RBM47: variants seen among roughly 807,000 people sequenced by gnomAD.
RBM47 encodes the protein RNA binding motif protein 47, also known as RNA-binding protein 47.
A neutral mutation model predicts 47.1 loss-of-function variants in RBM47; 21 were observed. That is an observed-to-expected ratio of 0.45 (90% CI 0.32 to 0.64). The LOEUF is 0.64. RBM47 is among the 30% of genes least tolerant of loss of function. RBM47 has a pLI of 0.05. For missense variants in RBM47, 708 were observed against 870.9 expected, an observed-to-expected ratio of 0.81 and a Z score of 2.35; for synonymous variants, 375 against 361.7, an observed-to-expected ratio of 1.04 and a Z score of -0.42.
intron 1 of RBM47, among the ~76,000 whole-genome samples, chr4:40,625,522 C>T (rs1560512671): frequency 1.3e-5 from 2 of 152,192 alleles, no homozygotes; most frequent in Non-Finnish European, 1.5e-5. Context: ...CCCATTGGTA[C>T]ATATACTTAA....
At position 40,436,618 on chromosome 4, in the gene RBM47, C is replaced by T. The variant is rs1167139655; in HGVS notation, c.1153G>A (p.Ala385Thr). The change falls in exon 5 of 7, where the codon GCA becomes ACA. Residue 385 changes from alanine to threonine, a missense_variant. Coordinates refer to ENST00000295971, the MANE Select transcript of RBM47 (RefSeq NM_001098634.2). ...AGSIRGRGRG[A>T]AGNRAPGPRG... ...GGCCCTGGGGCTCTGTTGCCAGCTG[C>T]ACCTCGCCCTCGGCCTCTTATGCTG... 2 of 1,614,014 alleles carry T rather than the reference C, an allele frequency of 1.2e-6. No individual in the cohort carries two copies. The highest frequency in any genetic ancestry group is 2.2e-5 in the East Asian group (1 of 44,890).
At chr4:40,604,531 G>A (rs1240710841) in intron 1 of RBM47, among the ~76,000 whole-genome samples, 1 of 152,190 alleles carries the variant, frequency 6.6e-6, no homozygotes, top group Non-Finnish European at 1.5e-5. Flanking sequence ...GGAGGCTGAG[G>A]AGGGAGGATT....
chr4:40,537,004 G>C (rs1728054482), intron 2 of RBM47, among the ~76,000 whole-genome samples: 1 of 152,038 alleles, frequency 6.6e-6, no homozygotes, highest in African/African-American at 2.4e-5. Flanking sequence ...TTTGAAAATA[G>C]GTTATCTTGT....
chr4:40,496,278 T>C (rs1435062005), intron 2 of RBM47, among the ~76,000 whole-genome samples: 1 of 151,892 alleles, frequency 6.6e-6, no homozygotes, highest in Non-Finnish European at 1.5e-5. Flanking sequence ...AGTGATAGCT[T>C]CCAAACTGTC....
chr4:40,549,524 G>GTTT (rs11381654), intron 1 of RBM47, among the ~76,000 whole-genome samples: 11 of 132,740 alleles, frequency 8.3e-5, no homozygotes, highest in South Asian at 4.8e-4. Context: ...TTGTTTGTTC[G>GTTT]TTTTTTTTTT....
rs563705267 is a variant in RBM47 at position 40,572,940 on chromosome 4, C to T, written c.-239-28434G>A. Among the ~76,000 whole-genome samples the T allele has an allele frequency of 4.4e-4, 66 of 151,402 alleles. 1 individual carries two copies. The highest frequency in any genetic ancestry group is 1.5e-3 in the African/African-American group (62 of 41,366). On this transcript the variant is annotated intron_variant, in intron 1 of 6. Coordinates refer to ENST00000295971, the MANE Select transcript of RBM47 (RefSeq NM_001098634.2). Reference sequence around the variant, plus strand: ...GCCGAGGCGGGCGGATTACTTGAGGCCAGGAGTTCAAGACTAGCCTGGCCA... The same window carrying T: ...GCCGAGGCGGGCGGATTACTTGAGGTCAGGAGTTCAAGACTAGCCTGGCCA...
chr4:40,462,042 T>C (rs1188262305), intron 3 of RBM47, among the ~76,000 whole-genome samples: 1 of 152,150 alleles, frequency 6.6e-6, no homozygotes, highest in Non-Finnish European at 1.5e-5. Context: ...ATCTTGTTCA[T>C]GTGGGGAGAC....
Position 40,425,877 on chromosome 4 carries a change from GGTCT to G in RBM47, c.*23_*26del, listed in dbSNP as rs747243554. The stretch of plus-strand genomic sequence containing the variant: ...AGCGTTCCTTCAGTGGTGTTTGTGT[GGTCT>G]GTCTTCGTGCTGGTCACCAGCCTCA... On this transcript the variant is annotated 3_prime_UTR_variant, in exon 7 of 7. Coordinates refer to ENST00000295971, the MANE Select transcript of RBM47 (RefSeq NM_001098634.2). 5.0e-6 allele frequency: 8 copies of G among 1,607,448 alleles called. No homozygotes were observed. In the South Asian group the frequency reaches 5.5e-5, roughly 11 times the overall value.
chr4:40,586,514 A>G (rs1733601772), intron 1 of RBM47, among the ~76,000 whole-genome samples: 1 of 150,976 alleles, frequency 6.6e-6, no homozygotes, highest in Non-Finnish European at 1.5e-5. Context: ...TGGGAGGGAG[A>G]GAGTAGAGGC....
At chr4:40,517,238 G>A (rs1249135678) in intron 2 of RBM47, among the ~76,000 whole-genome samples, 1 of 151,962 alleles carries the variant, frequency 6.6e-6, no homozygotes, top group Non-Finnish European at 1.5e-5. Context: ...AGATTCAAGA[G>A]ATTCTCCTGC....
intron 3 of RBM47, among the ~76,000 whole-genome samples, chr4:40,444,918 TA>T (rs1330628936): frequency 1.3e-5 from 2 of 151,230 alleles, no homozygotes; most frequent in Admixed American, 1.3e-4. Flanking sequence ...GTCTGCCTCC[TA>T]AAGTGCTGGG....
At position 40,424,228 on chromosome 4, in the gene RBM47, A is replaced by C. The variant is rs1434458334; in HGVS notation, c.*1676T>G. The C allele has an allele frequency of 6.6e-6, 1 of 152,532 alleles. No individual in the cohort carries two copies. Among genetic ancestry groups the C allele is most frequent in the Non-Finnish European group, 1.5e-5 (1 of 68,040 alleles). 9.4% of individuals were successfully genotyped at this position (152,532 alleles called of 1,614,324 possible). A position where few individuals can be genotyped will look rare whatever the true frequency, so the allele number is the denominator to read the frequency against. On this transcript the variant is annotated 3_prime_UTR_variant, in exon 7 of 7. Transcript: ENST00000295971. ...TCAACAAAAATCCCGTGAGTGGAAA[A>C]TTGTATGGATCTCTAACATGACATA...
At chr4:40,498,586 G>A (rs555257199) in intron 2 of RBM47, among the ~76,000 whole-genome samples, 14 of 147,788 alleles carry the variant, frequency 9.5e-5, no homozygotes, top group Non-Finnish European at 1.9e-4. Flanking sequence ...GCTAAGGCAC[G>A]AGAATCCACC....
intron 1 of RBM47, among the ~76,000 whole-genome samples, chr4:40,553,402 A>G (rs1430435592): frequency 6.6e-6 from 1 of 151,850 alleles, no homozygotes; most frequent in African/African-American, 2.4e-5. Context: ...GGTTAAAGCA[A>G]TTCTCCTGCC....
chr4:40,459,623 A>C (rs1435004485), intron 3 of RBM47, among the ~76,000 whole-genome samples: 1 of 152,234 alleles, frequency 6.6e-6, no homozygotes, highest in Non-Finnish European at 1.5e-5. Flanking sequence ...ACCTGCATAT[A>C]GAACTGGGTA....
intron 2 of RBM47, among the ~76,000 whole-genome samples, chr4:40,476,610 T>C (rs1048780656): frequency 1.3e-5 from 2 of 152,006 alleles, no homozygotes; most frequent in African/African-American, 4.8e-5. Context: ...GCTGAGTAAA[T>C]ACACTCCTTT....
chr4:40,620,694 T>C (rs1362011940), intron 1 of RBM47, among the ~76,000 whole-genome samples: 1 of 152,200 alleles, frequency 6.6e-6, no homozygotes, highest in Non-Finnish European at 1.5e-5. Context: ...ATTTTTTCTT[T>C]TCTTTAAAAA....
chr4:40,488,979 T>C (rs1360511714), intron 2 of RBM47, among the ~76,000 whole-genome samples: 1 of 152,220 alleles, frequency 6.6e-6, no homozygotes, highest in Middle Eastern at 3.2e-3. Context: ...AGGTGGCAGA[T>C]GTAGAACTCA....
At chr4:40,622,559 G>A (rs566517830) in intron 1 of RBM47, among the ~76,000 whole-genome samples, 1 of 152,260 alleles carries the variant, frequency 6.6e-6, no homozygotes, top group African/African-American at 2.4e-5. Context: ...TTTCGGCAGG[G>A]GACTGACACG....
Sources: allele counts gnomAD v4.1 joint callset (sites outside exome capture counted in the v4.1 genomes callset), GRCh38; gene constraint gnomAD v4.1.1; transcripts MANE v1.5; gene names NCBI Gene and HGNC (gene_info 2026-07-23, HGNC 2026-07-21).